Variants in RBFOX1 observed in about 807,000 individuals in gnomAD.
RBFOX1 encodes the protein RNA binding fox-1 homolog 1, also known as RNA binding protein fox-1 homolog 1.
RBFOX1 carries 8 observed loss-of-function variants against 57.7 expected under a neutral mutation model. The ratio of observed to expected loss-of-function variants is 0.14; its 90% confidence interval spans 0.08 to 0.25. The LOEUF is 0.25. Among genes scored for constraint, RBFOX1 ranks in the 10% least tolerant of loss-of-function variants. RBFOX1 has a pLI of 1.00. For synonymous variants in RBFOX1, 326 were observed against 222.4 expected, an observed-to-expected ratio of 1.47 and a Z score of -4.15; for missense variants, 611 against 548.5, an observed-to-expected ratio of 1.11 and a Z score of -1.14.
intron 1 of RBFOX1, among the ~76,000 whole-genome samples, chr16:5,379,171 C>T (rs2066067484): frequency 6.6e-6 from 1 of 151,576 alleles, no homozygotes; most frequent in Non-Finnish European, 1.5e-5. Context: ...CATGCGGGTG[C>T]TTCATCTCAA....
intron 14 of RBFOX1, among the ~76,000 whole-genome samples, chr16:7,707,280 G>C (rs529297101): frequency 1.3e-5 from 2 of 152,132 alleles, no homozygotes; most frequent in Non-Finnish European, 1.5e-5. Context: ...GTCTGAGAAG[G>C]TCCATCATCA....
intron 4 of RBFOX1, among the ~76,000 whole-genome samples, chr16:7,442,831 G>GT (rs918758580): frequency 7.2e-5 from 11 of 151,778 alleles, no homozygotes; most frequent in African/African-American, 2.2e-4. Flanking sequence ...TGGGTGATTT[G>GT]TTTTTTTTCT....
chr16:5,573,712 A>C (rs1414502455), intron 2 of RBFOX1, among the ~76,000 whole-genome samples: 1 of 152,162 alleles, frequency 6.6e-6, no homozygotes, highest in Non-Finnish European at 1.5e-5. Flanking sequence ...CTATAACTGC[A>C]ACACTTTGGG....
downstream of RBFOX1, among the ~76,000 whole-genome samples, chr16:5,603,389 C>CT (rs34070906): frequency 0.12 from 18,601 of 152,162 alleles, 1,393 homozygotes; most frequent in East Asian, 0.32. Context: ...AGTCTCATAG[C>CT]TAATGGGGAA....
At chr16:6,948,253 G>C (rs1486868381) in intron 3 of RBFOX1, among the ~76,000 whole-genome samples, 1 of 151,630 alleles carries the variant, frequency 6.6e-6, no homozygotes, top group East Asian at 1.9e-4. Context: ...GCAATATTAT[G>C]AGACCATATC....
chr16:6,082,347 A>ATTTTTTTTTT (rs71142677), intron 1 of RBFOX1, among the ~76,000 whole-genome samples: 3 of 41,042 alleles, frequency 7.3e-5, no homozygotes, highest in Middle Eastern at 0.024. Context: ...CACCTGGCTA[A>ATTTTTTTTTT]TTTTTTTTTT....
chr16:6,920,715 G>T (rs2074273944), intron 3 of RBFOX1, among the ~76,000 whole-genome samples: 1 of 152,150 alleles, frequency 6.6e-6, no homozygotes, highest in Non-Finnish European at 1.5e-5. Flanking sequence ...TTGGCTTGTG[G>T]CTGCATCACT....
At chr16:6,483,400 A>G in intron 2 of RBFOX1, 2 of 1,533,264 alleles carry the variant, frequency 1.3e-6, no homozygotes, top group South Asian at 1.2e-5. Flanking sequence ...GACTGGAGTC[A>G]TTTACATTGC....
At chr16:6,733,816 A>C (rs974643081) in intron 3 of RBFOX1, among the ~76,000 whole-genome samples, 2 of 152,182 alleles carry the variant, frequency 1.3e-5, no homozygotes, top group Non-Finnish European at 1.5e-5. Context: ...CATCTCTGTG[A>C]CTTGCTGCTG....
At chr16:6,870,615 C>G (rs2060697870) in intron 3 of RBFOX1, among the ~76,000 whole-genome samples, 1 of 152,102 alleles carries the variant, frequency 6.6e-6, no homozygotes, top group African/African-American at 2.4e-5. Context: ...AAAGCAATAA[C>G]AAATCATAAT....
chr16:5,308,131 GGAGTTC>G (rs2063985992), intron 1 of RBFOX1, among the ~76,000 whole-genome samples: 1 of 152,112 alleles, frequency 6.6e-6, no homozygotes, highest in South Asian at 2.1e-4. Context: ...CTTGAAGTCA[GGAGTTC>G]GAGACCAGCC....
chr16:6,416,568 A>T (rs140689044), intron 2 of RBFOX1, among the ~76,000 whole-genome samples: 101 of 152,272 alleles, frequency 6.6e-4, no homozygotes, highest in African/African-American at 2.4e-3. Context: ...GATAAGAAAG[A>T]GTGGCACCGA....
intron 4 of RBFOX1, among the ~76,000 whole-genome samples, chr16:7,377,714 G>T (rs1185741638): frequency 6.6e-6 from 1 of 152,186 alleles, no homozygotes; most frequent in African/African-American, 2.4e-5. Flanking sequence ...TGGGATCTAA[G>T]AACAATTTCA....
At chr16:5,753,118 C>G (rs957086879) in intron 3 of RBFOX1, among the ~76,000 whole-genome samples, 4 of 151,718 alleles carry the variant, frequency 2.6e-5, no homozygotes, top group African/African-American at 4.8e-5. Context: ...TGTGATCACA[C>G]CACTGCACTC....
intron 3 of RBFOX1, among the ~76,000 whole-genome samples, chr16:6,924,913 TA>T (rs1288371560): frequency 2.1e-5 from 3 of 144,054 alleles, no homozygotes; most frequent in Non-Finnish European, 4.5e-5. Context: ...GTTCAATTCC[TA>T]CCTATGAGTG....
chr16:6,801,866 C>G (rs1388930986), intron 3 of RBFOX1, among the ~76,000 whole-genome samples: 1 of 152,010 alleles, frequency 6.6e-6, no homozygotes, highest in Non-Finnish European at 1.5e-5. Context: ...ATCTGAAGAC[C>G]TAAGTGGTTC....
intron 4 of RBFOX1, among the ~76,000 whole-genome samples, chr16:7,403,318 A>C (rs928362236): frequency 3.3e-5 from 5 of 152,160 alleles, no homozygotes; most frequent in South Asian, 4.1e-4. Flanking sequence ...GCTATACATT[A>C]GACGTCTAGA....
At chr16:6,903,508 C>T (rs1470800610) in intron 3 of RBFOX1, among the ~76,000 whole-genome samples, 5 of 152,172 alleles carry the variant, frequency 3.3e-5, no homozygotes, top group African/African-American at 1.2e-4. Flanking sequence ...AAAATAAATA[C>T]ATGATGTGGG....
At chr16:7,159,155 C>G (rs1351614945) in intron 4 of RBFOX1, among the ~76,000 whole-genome samples, 2 of 152,250 alleles carry the variant, frequency 1.3e-5, no homozygotes, top group Admixed American at 6.5e-5. Context: ...TCTCTGCATA[C>G]TGCCCTGGAG....
Sources: allele counts gnomAD v4.1 joint callset (sites outside exome capture counted in the v4.1 genomes callset), GRCh38; gene constraint gnomAD v4.1.1; transcripts MANE v1.5; gene names NCBI Gene and HGNC (gene_info 2026-07-23, HGNC 2026-07-21).